The following CORIN variants were observed in gnomAD, a reference collection of about 807,000 sequenced individuals.
CORIN encodes atrial natriuretic peptide-converting enzyme.
Under a neutral mutation model 125.3 loss-of-function variants are expected in CORIN, and 117 were observed. The ratio of observed to expected loss-of-function variants is 0.93; its 90% confidence interval spans 0.80 to 1.09. The LOEUF is 1.09. Ranked by LOEUF, CORIN falls within the 50% of genes least tolerant of loss-of-function variation. The probability of loss-of-function intolerance (pLI) is 0.00; values close to 1 mark genes in which losing one functional copy is unlikely to be tolerated. For missense variants in CORIN, 1,253 were observed against 1,306.7 expected (o/e 0.96, Z 0.63); for synonymous variants, 450 against 466.4 (o/e 0.96, Z 0.45).
In CORIN at chr4:47,763,591, GAAGTA is replaced by G; in HGVS notation, c.410-10_410-6del. ...GGGTGATGTTCATACAGGCACCTGG[GAAGTA>G]AAGACATGCACATTTAAGAGTGGAC... is the stretch of plus-strand genomic sequence containing the variant. On this transcript the variant is annotated splice_polypyrimidine_tract_variant and splice_region_variant and intron_variant, in intron 3 of 21. Coordinates refer to ENST00000273857, the MANE Select transcript of CORIN (RefSeq NM_006587.4). 6.2e-7 allele frequency: 1 copy of G among 1,613,246 alleles called. No individual in the cohort carries two copies. Among genetic ancestry groups the G allele is most frequent in the Non-Finnish European group, 8.5e-7 (1 of 1,179,252 alleles).
intron 6 of CORIN, among the ~76,000 whole-genome samples, chr4:47,686,356 T>C (rs1246643009): frequency 6.6e-6 from 1 of 152,092 alleles, no homozygotes; most frequent in East Asian, 1.9e-4. Context: ...TTTTTATTTT[T>C]CACTTCCCCC....
At chr4:47,759,082 G>A (rs920010438) in intron 4 of CORIN, among the ~76,000 whole-genome samples, 9 of 152,152 alleles carry the variant, frequency 5.9e-5, no homozygotes, top group Non-Finnish European at 1.2e-4. Context: ...TTGACAAGGT[G>A]CCAAGAACAC....
At chr4:47,664,279 C>G (rs766958415) in intron 11 of CORIN, among the ~76,000 whole-genome samples, 2 of 152,206 alleles carry the variant, frequency 1.3e-5, no homozygotes, top group African/African-American at 4.8e-5. Flanking sequence ...GTGCTATCAT[C>G]ATAGCTATTG....
At chr4:47,623,251 T>G (rs1722407582) in intron 19 of CORIN, among the ~76,000 whole-genome samples, 1 of 151,988 alleles carries the variant, frequency 6.6e-6, no homozygotes, top group South Asian at 2.1e-4. Flanking sequence ...TCACTTCTGT[T>G]TAAGTTATTA....
chr4:47,677,288 A>G (rs1202718486), intron 9 of CORIN, among the ~76,000 whole-genome samples: 4 of 152,200 alleles, frequency 2.6e-5, no homozygotes, highest in African/African-American at 9.6e-5. Context: ...CCTGGGTATC[A>G]GGGCTGCAAC....
intron 1 of CORIN, among the ~76,000 whole-genome samples, chr4:47,831,013 G>A (rs1458030704): frequency 6.6e-6 from 1 of 152,186 alleles, no homozygotes; most frequent in East Asian, 1.9e-4. Flanking sequence ...AATGGTCTTC[G>A]CAACTCGCCT....
At chr4:47,771,948 T>C (rs1730050635) in intron 3 of CORIN, among the ~76,000 whole-genome samples, 1 of 152,192 alleles carries the variant, frequency 6.6e-6, no homozygotes, top group Non-Finnish European at 1.5e-5. Flanking sequence ...TAGCTATTCT[T>C]GTCAAGAGAA....
chr4:47,645,910 A>C (rs1017860940), intron 13 of CORIN, among the ~76,000 whole-genome samples: 4 of 151,980 alleles, frequency 2.6e-5, no homozygotes, highest in Non-Finnish European at 5.9e-5. Flanking sequence ...TTAATAACTG[A>C]ATCAGGATTA....
At chr4:47,761,537 T>C (rs1326596436) in intron 4 of CORIN, among the ~76,000 whole-genome samples, 1 of 151,012 alleles carries the variant, frequency 6.6e-6, no homozygotes, top group African/African-American at 2.4e-5. Flanking sequence ...TATTCAGCCA[T>C]AAAAAAGAAA....
At chr4:47,813,817 T>C (rs551996786) in intron 1 of CORIN, among the ~76,000 whole-genome samples, 2 of 152,348 alleles carry the variant, frequency 1.3e-5, no homozygotes, top group East Asian at 1.9e-4. Context: ...CAGTACTTGC[T>C]AGAGGTTATC....
rs1340381859 is a variant in CORIN at position 47,674,411 on chromosome 4, T to G, written c.1339A>C (p.Asn447His). The G allele has an allele frequency of 6.2e-7, 1 of 1,612,466 alleles. No individual in the cohort carries two copies. The highest frequency in any genetic ancestry group is 1.3e-5 in the African/African-American group (1 of 75,006). The stretch of plus-strand genomic sequence containing the variant: ...TACTTACTACAGTTATTCAGACTGT[T>G]GTTCGGGTCACAGAGAGAGCTACCA... ...CGGSSLCDPN[N>H]SLNNCSQCEP... Residue 447 changes from asparagine (N) to histidine (H), a missense_variant, in exon 10 of 22, where the codon AAC becomes CAC. Coordinates refer to ENST00000273857, the MANE Select transcript of CORIN (RefSeq NM_006587.4).
At chr4:47,763,288 T>C (rs993854220) in intron 4 of CORIN, 91 bp downstream of exon 4, 22 of 975,264 alleles carry the variant, frequency 2.3e-5, no homozygotes, top group Non-Finnish European at 1.9e-5. Context: ...ACAACCAAAA[T>C]AAAAGGGAGT....
chr4:47,633,780 C>T (rs1722925122), intron 16 of CORIN, among the ~76,000 whole-genome samples: 1 of 152,152 alleles, frequency 6.6e-6, no homozygotes, highest in Admixed American at 6.6e-5. Flanking sequence ...TTCAACATGA[C>T]TTTTTAAATT....
intron 3 of CORIN, among the ~76,000 whole-genome samples, chr4:47,779,400 G>A (rs1230809764): frequency 6.6e-6 from 1 of 151,514 alleles, no homozygotes; most frequent in East Asian, 1.9e-4. Context: ...TCCAAGGCCT[G>A]CTCTGATCCT....
intron 3 of CORIN, among the ~76,000 whole-genome samples, chr4:47,766,796 A>C (rs536989313): frequency 1.3e-5 from 2 of 151,816 alleles, no homozygotes; most frequent in Non-Finnish European, 2.9e-5. Context: ...AAATACAAAA[A>C]TTAGCCGGGT....
intron 14 of CORIN, among the ~76,000 whole-genome samples, chr4:47,643,846 A>G (rs1723344739): frequency 6.6e-6 from 1 of 152,128 alleles, no homozygotes; most frequent in Non-Finnish European, 1.5e-5. Context: ...GAAGATCCTG[A>G]TTAGTTTAAG....
intron 8 of CORIN, chr4:47,679,433 G>C (rs1182937880): frequency 6.6e-6 from 1 of 151,446 alleles, no homozygotes; most frequent in East Asian, 1.9e-4. Flanking sequence ...GCTTGATCTT[G>C]ACTCAGTGTA....
intron 2 of CORIN, among the ~76,000 whole-genome samples, chr4:47,802,045 G>A (rs566573066): frequency 6.6e-6 from 1 of 152,328 alleles, no homozygotes; most frequent in Admixed American, 6.5e-5. Flanking sequence ...TGAACTCAGT[G>A]CTGATCTGTC....
At chr4:47,792,677 T>C (rs1731132071) in intron 2 of CORIN, among the ~76,000 whole-genome samples, 1 of 152,226 alleles carries the variant, frequency 6.6e-6, no homozygotes, top group African/African-American at 2.4e-5. Flanking sequence ...CATTGCATTC[T>C]CTGGCCTCTT....
Sources: gnomAD v4.1 joint callset for allele counts (sites outside exome capture counted in the v4.1 genomes callset) on GRCh38, gnomAD v4.1.1 for gene constraint, MANE v1.5 for transcripts, NCBI Gene and HGNC (gene_info 2026-07-23, HGNC 2026-07-21) for gene names.